FAF1: variants seen among roughly 807,000 people sequenced by gnomAD.
FAF1 encodes the protein Fas associated factor 1.
Under a neutral mutation model 92.5 loss-of-function variants are expected in FAF1, and 25 were observed. That is an observed-to-expected ratio of 0.27 (90% CI 0.20 to 0.38). FAF1 has a LOEUF of 0.38. FAF1 is among the 10% of genes least tolerant of loss of function. The pLI, the probability that FAF1 is intolerant of heterozygous loss-of-function variation, is 1.00. For synonymous variants in FAF1, 234 were observed against 273.2 expected, an observed-to-expected ratio of 0.86 and a Z score of 1.42; for missense variants, 636 against 793.3, an observed-to-expected ratio of 0.80 and a Z score of 2.38.
rs183132808 is a variant in FAF1, at chr1:50,562,747, C to T, written c.1268+4330G>A. On this transcript the variant is annotated intron_variant, in intron 13 of 18. Coordinates refer to ENST00000396153, the MANE Select transcript of FAF1 (RefSeq NM_007051.3). ...TGAGGGTTAGGATTGTGTCTTGTTC[C>T]ACCTTTCATTCTCAGATGACAGCAC... 3.3e-4 allele frequency among the ~76,000 whole-genome samples: 50 copies of T among 152,208 alleles called. 4 individuals are homozygous for T. Among genetic ancestry groups the T allele is most frequent in the African/African-American group, 1.2e-3 (49 of 41,520 alleles).
chr1:50,566,735 A>G (rs1222447882), intron 13 of FAF1, among the ~76,000 whole-genome samples: 1 of 152,086 alleles, frequency 6.6e-6, no homozygotes, highest in African/African-American at 2.4e-5. Flanking sequence ...CTAGGATTAT[A>G]TATTAGACTT....
chr1:50,518,361 A>T (rs1408557625), intron 15 of FAF1, among the ~76,000 whole-genome samples: 1 of 152,194 alleles, frequency 6.6e-6, no homozygotes, highest in Non-Finnish European at 1.5e-5. Context: ...AAAGGATACT[A>T]AAGGACATTT....
intron 7 of FAF1, among the ~76,000 whole-genome samples, chr1:50,676,592 C>T (rs1199465996): frequency 6.6e-6 from 1 of 151,934 alleles, no homozygotes; most frequent in Admixed American, 6.6e-5. Context: ...AGACCGAGGT[C>T]GGCAGACCAC....
chr1:50,640,916 C>T (rs1008426525), intron 8 of FAF1, among the ~76,000 whole-genome samples: 3 of 144,968 alleles, frequency 2.1e-5, no homozygotes, highest in Non-Finnish European at 4.5e-5. Flanking sequence ...TCACTGCAAC[C>T]TCTGCCTCTG....
At chr1:50,478,224 C>T (rs1280380638) in intron 17 of FAF1, among the ~76,000 whole-genome samples, 2 of 149,428 alleles carry the variant, frequency 1.3e-5, no homozygotes, top group Admixed American at 1.3e-4. Flanking sequence ...AGTGTGATGG[C>T]GCAATCTCGG....
rs758212071 is a variant in FAF1 at position 50,532,813 on chromosome 1, GGTTT to G, written c.1494+2552_1494+2555del. ...AAAATATTTTAAAATTTATCTTTTT[GGTTT>G]GTTTGTTTTTAAGAGACAGGGTCTC... is the stretch of plus-strand genomic sequence containing the variant. On this transcript the variant is annotated intron_variant, in intron 15 of 18. Transcript: ENST00000396153. 1.4e-3 allele frequency among the ~76,000 whole-genome samples: 208 copies of G among 151,922 alleles called. 2 individuals carry two copies. The highest frequency in any genetic ancestry group is 2.2e-3 in the Admixed American group (33 of 15,248).
At position 50,557,208 on chromosome 1, in the gene FAF1, T is replaced by C. The variant is rs12063661; in HGVS notation, c.1268+9869A>G. Among the ~76,000 whole-genome samples, 596 of 152,340 alleles carry C rather than the reference T, an allele frequency of 3.9e-3. 5 individuals are homozygous for C. The highest frequency in any genetic ancestry group is 0.014 in the African/African-American group (566 of 41,586). ...AAAAGGACTTTCTTGGTGCTGATCA[T>C]GTATTGAGGGGAAGAAAAGCACATG... On this transcript the variant is annotated intron_variant, in intron 13 of 18. Coordinates refer to ENST00000396153, the MANE Select transcript of FAF1 (RefSeq NM_007051.3).
intron 12 of FAF1, among the ~76,000 whole-genome samples, chr1:50,579,995 T>C (rs990567293): frequency 2.6e-5 from 4 of 152,154 alleles, no homozygotes; most frequent in Non-Finnish European, 5.9e-5. Context: ...AATATCATTA[T>C]TTTTGGAAAA....
intron 6 of FAF1, among the ~76,000 whole-genome samples, chr1:50,730,100 C>A (rs1350830951): frequency 5.3e-5 from 8 of 152,078 alleles, no homozygotes; most frequent in Admixed American, 5.2e-4. Context: ...GGGGTTGGAG[C>A]AGCATGCGGA....
chr1:50,845,446 C>G (rs1347345740), intron 2 of FAF1, among the ~76,000 whole-genome samples: 8 of 152,164 alleles, frequency 5.3e-5, no homozygotes, highest in Admixed American at 3.3e-4. Context: ...TTGTACACAG[C>G]CTGCCTGTGG....
At chr1:50,626,477 A>G (rs1653503697) in intron 8 of FAF1, among the ~76,000 whole-genome samples, 1 of 152,330 alleles carries the variant, frequency 6.6e-6, no homozygotes, top group South Asian at 2.1e-4. Flanking sequence ...GGAACAGGAT[A>G]AAAAGCCCCA....
At chr1:50,578,228 G>A (rs1301886445) in intron 12 of FAF1, among the ~76,000 whole-genome samples, 2 of 152,062 alleles carry the variant, frequency 1.3e-5, no homozygotes, top group Non-Finnish European at 2.9e-5. Context: ...GGTGTTTGAG[G>A]CTCATCTGTT....
intron 13 of FAF1, 132 bp from the exon 14 acceptor site, chr1:50,539,860 C>T: frequency 1.6e-6 from 1 of 639,026 alleles, no homozygotes; most frequent in Non-Finnish European, 2.7e-6. Flanking sequence ...TATGTAAAAT[C>T]TTGCTATATT....
chr1:50,822,434 AG>A (rs913399653), intron 2 of FAF1, among the ~76,000 whole-genome samples: 3 of 152,242 alleles, frequency 2.0e-5, no homozygotes, highest in Admixed American at 6.5e-5. Flanking sequence ...TAGGAACAAA[AG>A]GATTTGACAA....
intron 8 of FAF1, among the ~76,000 whole-genome samples, chr1:50,647,815 G>A (rs1018756630): frequency 1.3e-5 from 2 of 152,126 alleles, no homozygotes; most frequent in African/African-American, 4.8e-5. Flanking sequence ...TGAAGCCAGA[G>A]AGGAGGAAGG....
chr1:50,627,364 A>C (rs1370824983), intron 8 of FAF1, among the ~76,000 whole-genome samples: 1 of 152,136 alleles, frequency 6.6e-6, no homozygotes, highest in Non-Finnish European at 1.5e-5. Context: ...CTCAGGAAGG[A>C]GTTTTCAACA....
intron 1 of FAF1, among the ~76,000 whole-genome samples, chr1:50,900,866 G>A (rs1315268869): frequency 2.0e-5 from 3 of 151,866 alleles, no homozygotes; most frequent in African/African-American, 4.8e-5. Flanking sequence ...CATATGCTAT[G>A]TATAACTATA....
At chr1:50,489,514 G>A (rs1362531969) in intron 17 of FAF1, among the ~76,000 whole-genome samples, 1 of 152,158 alleles carries the variant, frequency 6.6e-6, no homozygotes, top group African/African-American at 2.4e-5. Flanking sequence ...CTGCACCTTA[G>A]GCATACCTCT....
At chr1:50,693,989 A>G (rs1171656037) in intron 7 of FAF1, among the ~76,000 whole-genome samples, 1 of 135,028 alleles carries the variant, frequency 7.4e-6, no homozygotes, top group Non-Finnish European at 1.6e-5. Flanking sequence ...ATCTATATGT[A>G]TATGTGTCAT....
Sources: gnomAD v4.1 joint callset for allele counts (sites outside exome capture counted in the v4.1 genomes callset) on GRCh38, gnomAD v4.1.1 for gene constraint, MANE v1.5 for transcripts, NCBI Gene and HGNC (gene_info 2026-07-23, HGNC 2026-07-21) for gene names.